ADCK1: variants seen among roughly 807,000 people sequenced by gnomAD.
ADCK1 encodes aarF domain-containing protein kinase 1.
A neutral mutation model predicts 52.3 loss-of-function variants in ADCK1; 41 were observed. The ratio of observed to expected loss-of-function variants is 0.78; its 90% CI spans 0.61 to 1.02. ADCK1 has a LOEUF of 1.02. ADCK1 is among the 50% of genes least tolerant of loss of function. The pLI is 0.00. For synonymous variants in ADCK1, 250 were observed against 274.6 expected, an observed-to-expected ratio of 0.91 and a Z score of 0.89; for missense variants, 658 against 679.5, an observed-to-expected ratio of 0.97 and a Z score of 0.35.
chr14:77,803,300 G>A (rs1387418939), intron 1 of ADCK1, among the ~76,000 whole-genome samples: 2 of 152,100 alleles, frequency 1.3e-5, no homozygotes, highest in South Asian at 4.2e-4. Context: ...AGACCTAAGT[G>A]CCTTTTCTCT....
intron 3 of ADCK1, among the ~76,000 whole-genome samples, chr14:77,852,907 ATTTTT>A (rs71303864): frequency 6.9e-5 from 2 of 28,944 alleles, no homozygotes; most frequent in East Asian, 6.1e-4. Context: ...ATATATATAT[ATTTTT>A]TTTTTTTTTT....
At chr14:77,817,609 C>T (rs2081484308) in intron 1 of ADCK1, among the ~76,000 whole-genome samples, 1 of 152,176 alleles carries the variant, frequency 6.6e-6, no homozygotes, top group African/African-American at 2.4e-5. Flanking sequence ...TGAATTTGAA[C>T]AGATCAAATC....
intron 3 of ADCK1, among the ~76,000 whole-genome samples, chr14:77,838,718 T>C (rs1162877389): frequency 6.6e-6 from 1 of 152,210 alleles, no homozygotes; most frequent in Non-Finnish European, 1.5e-5. Flanking sequence ...TTTTTGCTTA[T>C]GGAAAAGATC....
intron 4 of ADCK1, among the ~76,000 whole-genome samples, chr14:77,874,234 G>A (rs1287036912): frequency 2.0e-5 from 3 of 152,206 alleles, no homozygotes; most frequent in Non-Finnish European, 4.4e-5. Context: ...CCTCTGAGGA[G>A]CTTACATTTT....
chr14:77,846,824 C>G (rs1435258406), intron 3 of ADCK1, among the ~76,000 whole-genome samples: 1 of 152,236 alleles, frequency 6.6e-6, no homozygotes, highest in African/African-American at 2.4e-5. Context: ...CCTGCTTTTT[C>G]TTCTGTGGAC....
intron 4 of ADCK1, among the ~76,000 whole-genome samples, chr14:77,862,643 T>C (rs2082576513): frequency 6.6e-6 from 1 of 152,248 alleles, no homozygotes; most frequent in Non-Finnish European, 1.5e-5. Context: ...AGGAGTTCTC[T>C]GATGCTCCGC....
At chr14:77,885,174 AT>A (rs554159009) in intron 4 of ADCK1, among the ~76,000 whole-genome samples, 84 of 152,322 alleles carry the variant, frequency 5.5e-4, no homozygotes, top group African/African-American at 1.9e-3. Flanking sequence ...GTTTACAGGG[AT>A]GATGATCCCA....
intron 6 of ADCK1, among the ~76,000 whole-genome samples, chr14:77,901,482 C>T (rs561961676): frequency 6.5e-4 from 99 of 152,032 alleles, no homozygotes; most frequent in African/African-American, 2.2e-3. Context: ...CTCCACCTCC[C>T]GGGTTCAGGC....
At chr14:77,891,702 T>G (rs979169889) in intron 5 of ADCK1, among the ~76,000 whole-genome samples, 2 of 152,018 alleles carry the variant, frequency 1.3e-5, no homozygotes, top group Non-Finnish European at 2.9e-5. Context: ...ACTCATACCC[T>G]TCAGGAGAAC....
At chr14:77,818,086 A>G (rs2081501482) in intron 1 of ADCK1, among the ~76,000 whole-genome samples, 1 of 152,076 alleles carries the variant, frequency 6.6e-6, no homozygotes, top group Non-Finnish European at 1.5e-5. Flanking sequence ...AAAATCAACC[A>G]TACACAGAGG....
Position 77,887,211 on chromosome 14 carries a change from G to A in ADCK1, c.544G>A (p.Val182Met), listed in dbSNP as rs767728616. The A allele has an allele frequency of 1.2e-5, 19 of 1,605,722 alleles. No individual in the cohort carries two copies. In the South Asian group the frequency reaches 1.4e-4, roughly 12 times the overall value. Residue 182 changes from valine (V) to methionine (M), a missense_variant, in exon 5 of 11, where the codon GTG becomes ATG. Transcript: ENST00000238561. ...GGCCGTGAAGGTCCAGCACCCAAAG[G>A]TGCGGGCTCAGAGCTCGAAGGACAT... ...TVAVKVQHPK[V>M]RAQSSKDILL...
chr14:77,899,341 T>C (rs2083480290), intron 6 of ADCK1, 83 bp downstream of exon 6: 6 of 1,539,478 alleles, frequency 3.9e-6, no homozygotes, highest in Non-Finnish European at 5.3e-6. Context: ...GAGCATCCCT[T>C]TCAGGACATA....
intron 3 of ADCK1, among the ~76,000 whole-genome samples, chr14:77,829,770 G>T (rs2081800952): frequency 6.6e-6 from 1 of 151,268 alleles, no homozygotes; most frequent in South Asian, 2.1e-4. Context: ...AAATAGTTAA[G>T]ACCACTGAAG....
intron 3 of ADCK1, among the ~76,000 whole-genome samples, chr14:77,857,941 G>T: frequency 6.6e-6 from 1 of 152,160 alleles, no homozygotes; most frequent in Non-Finnish European, 1.5e-5. Flanking sequence ...TTAGCTCCTA[G>T]AAGGTAGGAC....
At chr14:77,904,512 C>A (rs911456402) in intron 6 of ADCK1, among the ~76,000 whole-genome samples, 16 of 152,242 alleles carry the variant, frequency 1.1e-4, no homozygotes, top group Admixed American at 2.0e-4. Context: ...TGGGCACTGT[C>A]TCAGACAAGC....
intron 1 of ADCK1, among the ~76,000 whole-genome samples, chr14:77,815,783 T>G (rs1026995450): frequency 1.3e-5 from 2 of 150,304 alleles, no homozygotes; most frequent in Non-Finnish European, 3.0e-5. Context: ...TCCCAAAGTG[T>G]TGGGATTACA....
At chr14:77,839,481 T>C (rs1368315150) in intron 3 of ADCK1, among the ~76,000 whole-genome samples, 1 of 151,986 alleles carries the variant, frequency 6.6e-6, no homozygotes, top group Non-Finnish European at 1.5e-5. Flanking sequence ...GCTGTGGCTG[T>C]TCTAGTTTAG....
chr14:77,830,029 C>G (rs913056187), intron 3 of ADCK1, among the ~76,000 whole-genome samples: 2 of 151,284 alleles, frequency 1.3e-5, no homozygotes, highest in African/African-American at 4.8e-5. Flanking sequence ...CAGAGGGACT[C>G]AAGGCCAGGT....
chr14:77,919,503 G>A (rs1431555591), intron 7 of ADCK1, among the ~76,000 whole-genome samples: 1 of 152,142 alleles, frequency 6.6e-6, no homozygotes, highest in Non-Finnish European at 1.5e-5. Flanking sequence ...TGGGCATTTA[G>A]GCTGGTTCCA....
Sources: allele counts gnomAD v4.1 joint callset (sites outside exome capture counted in the v4.1 genomes callset), GRCh38; gene constraint gnomAD v4.1.1; transcripts MANE v1.5; gene names NCBI Gene and HGNC (gene_info 2026-07-23, HGNC 2026-07-21).